Variants in SH3KBP1 observed in about 807,000 individuals in gnomAD.
SH3KBP1 encodes the protein SH3 domain containing kinase binding protein 1.
Under a neutral mutation model 50.1 loss-of-function variants are expected in SH3KBP1, and 8 were observed. That is an observed-to-expected ratio of 0.16 (90% confidence interval 0.09 to 0.29). SH3KBP1 has a LOEUF of 0.29. SH3KBP1 is among the 10% of genes least tolerant of loss of function. The pLI, the probability that SH3KBP1 is intolerant of heterozygous loss-of-function variation, is 1.00. For missense variants in SH3KBP1, 377 were observed against 535.2 expected, an observed-to-expected ratio of 0.70 and a Z score of 2.92; for synonymous variants, 227 against 218.6, an observed-to-expected ratio of 1.04 and a Z score of -0.34.
chrX:19,852,930 G>A (rs1318699066), intron 1 of SH3KBP1, among the ~76,000 whole-genome samples: 3 of 107,110 alleles, frequency 2.8e-5, no homozygotes, highest in Admixed American at 9.6e-5. Context: ...TTGGATAAAA[G>A]TGGATCAACA....
At chrX:19,782,594 G>T (rs1010900648) in intron 2 of SH3KBP1, among the ~76,000 whole-genome samples, 1 of 111,326 alleles carries the variant, frequency 9.0e-6, no homozygotes, top group African/African-American at 3.3e-5. Context: ...GACACGTTTC[G>T]CAAGATGGGA....
At chrX:19,538,877 G>A (rs2064800547) in intron 16 of SH3KBP1, among the ~76,000 whole-genome samples, 1 of 112,251 alleles carries the variant, frequency 8.9e-6, no homozygotes, top group Non-Finnish European at 1.9e-5. Context: ...GTAAGCCACC[G>A]CACCTGGCCT....
At chrX:19,743,211 T>A (rs765367450) in intron 3 of SH3KBP1, among the ~76,000 whole-genome samples, 1 of 111,370 alleles carries the variant, frequency 9.0e-6, no homozygotes, top group Non-Finnish European at 1.9e-5. Flanking sequence ...CGTTCAAGAC[T>A]AGCTAGGCAA....
intron 9 of SH3KBP1, 87 bp from the exon 10 acceptor site, chrX:19,595,087 G>A (rs1352288141): frequency 2.8e-6 from 2 of 703,793 alleles, no homozygotes; most frequent in African/African-American, 4.2e-5. Context: ...TTTTCTATGT[G>A]CAGTTTGGAC....
chrX:19,874,068 A>AAAAATAT (rs1491537486), intron 1 of SH3KBP1, among the ~76,000 whole-genome samples: 2 of 57,033 alleles, frequency 3.5e-5, no homozygotes, highest in African/African-American at 3.2e-4. Flanking sequence ...AAAAAAAAAA[A>AAAAATAT]ATATATATAT....
At chrX:19,689,630 G>A (rs1286396605) in intron 5 of SH3KBP1, among the ~76,000 whole-genome samples, 1 of 112,001 alleles carries the variant, frequency 8.9e-6, no homozygotes, top group African/African-American at 3.3e-5. Flanking sequence ...AGCAAAAGAG[G>A]CAGCCAACTG....
intron 2 of SH3KBP1, among the ~76,000 whole-genome samples, chrX:19,787,553 T>C (rs762863756): frequency 3.6e-5 from 4 of 111,439 alleles, no homozygotes; most frequent in South Asian, 3.8e-4. Flanking sequence ...GCACACAGAA[T>C]AGGAAACATC....
intron 12 of SH3KBP1, among the ~76,000 whole-genome samples, chrX:19,574,548 T>C (rs1313074634): frequency 8.9e-6 from 1 of 112,626 alleles, no homozygotes; most frequent in Non-Finnish European, 1.9e-5. Context: ...GGACCCAGCT[T>C]CCTTCTCGCT....
Position 19,746,397 on chromosome X carries a change from A to G in SH3KBP1, c.207T>C (p.Ala69=), listed in dbSNP as rs771422198. Residue 69 remains alanine (A), a synonymous_variant, in exon 3 of 18, where the codon GCT becomes GCC. Coordinates refer to ENST00000397821, the MANE Select transcript of SH3KBP1 (RefSeq NM_031892.3). ...GCACTTCGTGCAGGGGCTTTTCTGG[A>G]GCTTTGTTGGTGAGAGGGTCTTTCT... ...EMKKDPLTNK[A]PEKPLHEVPS... 1 of 1,205,003 alleles carries G rather than the reference A, an allele frequency of 8.3e-7. No individual in the cohort carries two copies. The highest frequency in any genetic ancestry group is 1.8e-5 in the South Asian group (1 of 55,415).
intron 13 of SH3KBP1, among the ~76,000 whole-genome samples, chrX:19,566,697 A>C (rs2065852251): frequency 8.9e-6 from 1 of 112,205 alleles, no homozygotes; most frequent in African/African-American, 3.2e-5. Flanking sequence ...CAAAAGCTAC[A>C]GCAGGCCAGA....
chrX:19,557,036 GC>G (rs2065512226), intron 13 of SH3KBP1, among the ~76,000 whole-genome samples: 1 of 111,211 alleles, frequency 9.0e-6, no homozygotes, highest in Non-Finnish European at 1.9e-5. Flanking sequence ...TAGATGCTTC[GC>G]ATGCACACAC....
chrX:19,613,168 T>C (rs946285286), intron 8 of SH3KBP1, among the ~76,000 whole-genome samples: 4 of 112,081 alleles, frequency 3.6e-5, no homozygotes, highest in African/African-American at 1.3e-4. Flanking sequence ...GAAGGCAGGA[T>C]GGTGAGGCAG....
chrX:19,728,620 TG>T (rs1255472521), intron 3 of SH3KBP1, among the ~76,000 whole-genome samples: 1 of 112,507 alleles, frequency 8.9e-6, no homozygotes, highest in African/African-American at 3.2e-5. Context: ...AACAAATGTT[TG>T]TCAGCTGTAG....
At chrX:19,614,324 G>A (rs1461716497) in intron 8 of SH3KBP1, among the ~76,000 whole-genome samples, 1 of 112,850 alleles carries the variant, frequency 8.9e-6, no homozygotes, top group Non-Finnish European at 1.9e-5. Flanking sequence ...GAGAGGGCAC[G>A]TGAGACCTGG....
chrX:19,784,728 G>A (rs1478967246), intron 2 of SH3KBP1, among the ~76,000 whole-genome samples: 1 of 110,990 alleles, frequency 9.0e-6, no homozygotes, highest in Non-Finnish European at 1.9e-5. Flanking sequence ...TCCTGCCTCA[G>A]CCTCCCAAGT....
At chrX:19,851,104 T>C (rs2068496687) in intron 1 of SH3KBP1, among the ~76,000 whole-genome samples, 1 of 111,560 alleles carries the variant, frequency 9.0e-6, no homozygotes, top group Admixed American at 9.5e-5. Flanking sequence ...GTACCCCTAC[T>C]ACTCTCCTAA....
At chrX:19,594,525 G>A (rs1384992886) in intron 10 of SH3KBP1, among the ~76,000 whole-genome samples, 1 of 111,879 alleles carries the variant, frequency 8.9e-6, no homozygotes, top group East Asian at 2.8e-4. Context: ...CGAAAATTCA[G>A]CAACACTATA....
At chrX:19,696,676 G>C (rs1317561471) in intron 4 of SH3KBP1, among the ~76,000 whole-genome samples, 1 of 111,487 alleles carries the variant, frequency 9.0e-6, no homozygotes. Flanking sequence ...CCTGGATTTT[G>C]TAATAGAGCC....
rs1434634330 is a variant in SH3KBP1 at position 19,588,371 on chromosome X, CCT to C, written c.1298+270_1298+271del. Reference sequence around the variant, plus strand: ...CTTCTAATAAGGCCCAGGAAAAACCCCTGTGTGTGAGCAGGGCCTAAATGCTG... The same window carrying C: ...CTTCTAATAAGGCCCAGGAAAAACCCGTGTGTGAGCAGGGCCTAAATGCTG... On this transcript the variant is annotated intron_variant, in intron 12 of 17. Coordinates refer to ENST00000397821, the MANE Select transcript of SH3KBP1 (RefSeq NM_031892.3). 5 of 1,089,453 alleles carry C rather than the reference CCT, an allele frequency of 4.6e-6. No homozygotes were observed. The Admixed American group carries it at 1.6e-4, about 35-fold the overall frequency. 89.8% of individuals were successfully genotyped at this position (1,089,453 alleles called of 1,213,427 possible). A position where few individuals can be genotyped will look rare whatever the true frequency, so the allele number is the denominator to read the frequency against.
Sources: allele counts gnomAD v4.1 joint callset (sites outside exome capture counted in the v4.1 genomes callset), GRCh38; gene constraint gnomAD v4.1.1; transcripts MANE v1.5; gene names NCBI Gene and HGNC (gene_info 2026-07-23, HGNC 2026-07-21).